Variants in WDR70 observed in about 807,000 individuals in gnomAD.
The protein encoded by WDR70 is WD repeat-containing protein 70.
WDR70 carries 53 observed loss-of-function variants against 88.6 expected under a neutral mutation model. The ratio of observed to expected loss-of-function variants is 0.60; its 90% CI spans 0.48 to 0.75. WDR70 has a LOEUF of 0.75. Ranked by LOEUF, WDR70 falls within the 30% of genes least tolerant of loss-of-function variation. The pLI, the probability that WDR70 is intolerant of heterozygous loss-of-function variation, is 0.00. For synonymous variants in WDR70, 280 were observed against 270.0 expected (o/e 1.04, Z -0.36); for missense variants, 610 against 823.2 (o/e 0.74, Z 3.17).
intron 10 of WDR70, among the ~76,000 whole-genome samples, chr5:37,639,687 AT>A (rs1745056520): frequency 6.6e-6 from 1 of 152,096 alleles, no homozygotes; most frequent in Non-Finnish European, 1.5e-5. Context: ...CTTGATTTCT[AT>A]AACACTCTTT....
intron 3 of WDR70, among the ~76,000 whole-genome samples, chr5:37,389,577 A>G (rs1748746707): frequency 1.3e-5 from 2 of 151,928 alleles, no homozygotes; most frequent in South Asian, 4.2e-4. Flanking sequence ...ACGCCTGGCT[A>G]ATTTTTTTGT....
chr5:37,389,603 G>A lies in WDR70; in HGVS notation c.176-2397G>A, dbSNP rs1346867050. ...ATTTTTTTGTATTTTTAGTAGAGAC[G>A]GGATTTCCCCGTGTTCGCCAAGATG... On this transcript the variant is annotated intron_variant, in intron 3 of 17. Coordinates refer to ENST00000265107, the MANE Select transcript of WDR70 (RefSeq NM_018034.4). Among the ~76,000 whole-genome samples the A allele has an allele frequency of 3.9e-5, 6 of 152,142 alleles. No individual in the cohort carries two copies. In the South Asian group the frequency reaches 1.2e-3, roughly 32 times the overall value.
chr5:37,479,034 G>A (rs1057376971), intron 7 of WDR70, among the ~76,000 whole-genome samples: 5 of 152,106 alleles, frequency 3.3e-5, no homozygotes, highest in Non-Finnish European at 7.4e-5. Context: ...ATGAGAGAGA[G>A]AAGATAGTAG....
At chr5:37,481,311 C>A (rs750684602) in intron 8 of WDR70, among the ~76,000 whole-genome samples, 2 of 151,816 alleles carry the variant, frequency 1.3e-5, no homozygotes, top group African/African-American at 4.9e-5. Flanking sequence ...CACTGCCCTA[C>A]CAGAGGTTAT....
chr5:37,556,130 TTTC>T (rs2112360472), intron 9 of WDR70, among the ~76,000 whole-genome samples: 1 of 121,356 alleles, frequency 8.2e-6, no homozygotes, highest in Admixed American at 9.9e-5. Flanking sequence ...TATTTTGGAT[TTTC>T]TTCCTCTTTT....
Position 37,725,605 on chromosome 5 carries a change from T to A in WDR70, c.1714+555T>A, listed in dbSNP as rs967324049. Among the ~76,000 whole-genome samples, 9 of 152,166 alleles carry A rather than the reference T, an allele frequency of 5.9e-5. No individual in the cohort carries two copies. The East Asian group carries it at 1.7e-3, about 29-fold the overall frequency. ...ACTAGAATTTCATTTTCTGTTATCA[T>A]CTGTGTAGTTTCTATTTGGTCTGCT... is the stretch of plus-strand genomic sequence containing the variant. On this transcript the variant is annotated intron_variant, in intron 16 of 17. Coordinates refer to ENST00000265107, the MANE Select transcript of WDR70 (RefSeq NM_018034.4).
At chr5:37,527,979 ATGGG>A in intron 9 of WDR70, among the ~76,000 whole-genome samples, 1 of 152,270 alleles carries the variant, frequency 6.6e-6, no homozygotes, top group Middle Eastern at 3.4e-3. Flanking sequence ...TCAGGAAACA[ATGGG>A]TGCTGGAGAG....
chr5:37,642,107 C>T (rs576847558), intron 10 of WDR70, among the ~76,000 whole-genome samples: 4 of 152,234 alleles, frequency 2.6e-5, no homozygotes, highest in East Asian at 1.9e-4. Flanking sequence ...CCTACACTTA[C>T]GCAAGTTTAA....
intron 3 of WDR70, among the ~76,000 whole-genome samples, chr5:37,382,054 A>G (rs948820369): frequency 6.6e-6 from 1 of 151,794 alleles, no homozygotes; most frequent in Non-Finnish European, 1.5e-5. Flanking sequence ...ATTCCATCTC[A>G]GAGAACAAAG....
intron 10 of WDR70, among the ~76,000 whole-genome samples, chr5:37,670,691 T>G (rs1746000879): frequency 6.6e-6 from 1 of 152,214 alleles, no homozygotes; most frequent in South Asian, 2.1e-4. Context: ...AGATTTGATC[T>G]CAGCAGTCTG....
intron 9 of WDR70, among the ~76,000 whole-genome samples, chr5:37,567,745 C>T (rs1194893246): frequency 6.6e-6 from 1 of 151,972 alleles, no homozygotes; most frequent in Non-Finnish European, 1.5e-5. Flanking sequence ...AAGTGATACC[C>T]TTTTCAGCCT....
chr5:37,508,090 A>G (rs181747162), intron 8 of WDR70, among the ~76,000 whole-genome samples: 253 of 152,320 alleles, frequency 1.7e-3, no homozygotes, highest in African/African-American at 5.3e-3. Flanking sequence ...TTACCATTAA[A>G]TAGGTAGTTA....
In WDR70 at chr5:37,642,589, G is replaced by C. The variant is rs140038988; in HGVS notation, c.1092+37351G>C. 1.4e-4 allele frequency among the ~76,000 whole-genome samples: 21 copies of C among 152,218 alleles called. No individual in the cohort carries two copies. The East Asian group carries it at 3.9e-3, about 28-fold the overall frequency. On this transcript the variant is annotated intron_variant, in intron 10 of 17. Coordinates refer to ENST00000265107, the MANE Select transcript of WDR70 (RefSeq NM_018034.4). ...AAGCTCCAAACTGTTCTACATAGTG[G>C]TTGTACTGATTTACATTCCCACCAA...
At chr5:37,524,201 A>G (rs1218215297) in intron 9 of WDR70, among the ~76,000 whole-genome samples, 1 of 152,216 alleles carries the variant, frequency 6.6e-6, no homozygotes, top group African/African-American at 2.4e-5. Flanking sequence ...AGTTGAAATG[A>G]AGGAAAAAAT....
At chr5:37,401,990 A>C (rs935262188) in intron 5 of WDR70, among the ~76,000 whole-genome samples, 1 of 152,206 alleles carries the variant, frequency 6.6e-6, no homozygotes, top group Admixed American at 6.5e-5. Flanking sequence ...GTTGTTAACT[A>C]TAGTTACTTT....
At chr5:37,494,903 T>C (rs1391868927) in intron 8 of WDR70, among the ~76,000 whole-genome samples, 1 of 152,220 alleles carries the variant, frequency 6.6e-6, no homozygotes, top group African/African-American at 2.4e-5. Flanking sequence ...TGTGTTAGGG[T>C]TGGCAAACCA....
intron 9 of WDR70, among the ~76,000 whole-genome samples, chr5:37,589,359 G>GTATAAA (rs1743462495): frequency 6.6e-6 from 1 of 151,114 alleles, no homozygotes; most frequent in African/African-American, 2.4e-5. Flanking sequence ...TAATATATAT[G>GTATAAA]TTTATGTATC....
At chr5:37,562,298 G>A (rs1396313963) in intron 9 of WDR70, among the ~76,000 whole-genome samples, 1 of 152,140 alleles carries the variant, frequency 6.6e-6, no homozygotes, top group Admixed American at 6.5e-5. Context: ...AGAGGTTGCT[G>A]TGAGCCAAGA....
intron 8 of WDR70, among the ~76,000 whole-genome samples, chr5:37,488,487 C>G (rs1168156730): frequency 2.6e-5 from 3 of 114,446 alleles, no homozygotes; most frequent in Admixed American, 1.1e-4. Context: ...TTTCTTTATT[C>G]TTTTTTGTTC....
Sources: gnomAD v4.1 joint callset for allele counts (sites outside exome capture counted in the v4.1 genomes callset) on GRCh38, gnomAD v4.1.1 for gene constraint, MANE v1.5 for transcripts, NCBI Gene and HGNC (gene_info 2026-07-23, HGNC 2026-07-21) for gene names.